Variants in STK32B observed in about 807,000 individuals in gnomAD.
The protein encoded by STK32B is serine/threonine kinase 32B, also known as serine/threonine-protein kinase 32B.
A neutral mutation model predicts 52.6 loss-of-function variants in STK32B; 43 were observed. That is an observed-to-expected ratio of 0.82 (90% confidence interval 0.64 to 1.05). The LOEUF (loss-of-function observed/expected upper bound fraction) is 1.05, where lower values mean the gene tolerates loss of function less well. STK32B is among the 50% of genes least tolerant of loss of function. STK32B has a pLI of 0.00. For missense variants in STK32B, 621 were observed against 534.6 expected (o/e 1.16, Z -1.59); for synonymous variants, 238 against 204.3 (o/e 1.17, Z -1.41).
chr4:5,060,719 C>T (rs1742186071), intron 1 of STK32B, among the ~76,000 whole-genome samples: 1 of 152,030 alleles, frequency 6.6e-6, no homozygotes, highest in South Asian at 2.1e-4. Context: ...AATTTTTTCA[C>T]TTTGTACTTG....
chr4:5,128,099 T>A (rs151040304), intron 1 of STK32B, among the ~76,000 whole-genome samples: 275 of 152,256 alleles, frequency 1.8e-3, no homozygotes, highest in African/African-American at 6.4e-3. Flanking sequence ...AACAGACTAA[T>A]ACAGCTGGCA....
At chr4:5,220,504 G>A (rs184520625) in intron 3 of STK32B, among the ~76,000 whole-genome samples, 9 of 152,316 alleles carry the variant, frequency 5.9e-5, no homozygotes, top group Admixed American at 4.6e-4. Flanking sequence ...AGGTGTCCAG[G>A]TTATAAAGAG....
chr4:5,322,287 C>T (rs1363072805), intron 3 of STK32B, among the ~76,000 whole-genome samples: 2 of 152,146 alleles, frequency 1.3e-5, no homozygotes, highest in Non-Finnish European at 2.9e-5. Context: ...GCCGAGCGCT[C>T]CATTGTTGGA....
At chr4:5,447,497 G>A (rs1044166113) in intron 7 of STK32B, among the ~76,000 whole-genome samples, 4 of 152,136 alleles carry the variant, frequency 2.6e-5, no homozygotes, top group Middle Eastern at 3.4e-3. Flanking sequence ...ATAGCTGAGC[G>A]TGGTGGCACT....
At chr4:5,383,186 G>A (rs968437597) in intron 4 of STK32B, among the ~76,000 whole-genome samples, 2 of 152,152 alleles carry the variant, frequency 1.3e-5, no homozygotes, top group Non-Finnish European at 2.9e-5. Flanking sequence ...CCTGGAGGGT[G>A]CGTATTTTTC....
chr4:5,260,484 C>T (rs1010380333), intron 3 of STK32B, among the ~76,000 whole-genome samples: 3 of 152,142 alleles, frequency 2.0e-5, no homozygotes, highest in Admixed American at 2.0e-4. Flanking sequence ...AAGGACCCAG[C>T]CTTTAACTCT....
chr4:5,221,238 A>T (rs984502290), intron 3 of STK32B, among the ~76,000 whole-genome samples: 1 of 152,194 alleles, frequency 6.6e-6, no homozygotes, highest in Non-Finnish European at 1.5e-5. Flanking sequence ...AATAGGTGGC[A>T]TCTCTACCTT....
chr4:5,145,176 G>T (rs934763418), intron 2 of STK32B, among the ~76,000 whole-genome samples: 8 of 152,122 alleles, frequency 5.3e-5, no homozygotes, highest in African/African-American at 1.9e-4. Flanking sequence ...TTTACATTAA[G>T]CACCAATGTC....
At chr4:5,493,211 G>T (rs1719902446) in intron 11 of STK32B, among the ~76,000 whole-genome samples, 1 of 152,054 alleles carries the variant, frequency 6.6e-6, no homozygotes, top group African/African-American at 2.4e-5. Flanking sequence ...TCTGGTCCTG[G>T]ACTCTTTTTT....
intron 3 of STK32B, among the ~76,000 whole-genome samples, chr4:5,291,030 T>C (rs1359038051): frequency 1.3e-5 from 2 of 152,192 alleles, no homozygotes; most frequent in African/African-American, 2.4e-5. Flanking sequence ...GGACTCAATT[T>C]TGTTCTACTG....
At chr4:5,023,469 A>G in the STK32B span, among the ~76,000 whole-genome samples, 1 of 152,150 alleles carries the variant, frequency 6.6e-6, no homozygotes, top group Non-Finnish European at 1.5e-5. Flanking sequence ...ACTTCCTTCC[A>G]GTCTCTGGGC....
At chr4:5,264,739 A>G (rs979508762) in intron 3 of STK32B, among the ~76,000 whole-genome samples, 1 of 152,028 alleles carries the variant, frequency 6.6e-6, no homozygotes, top group African/African-American at 2.4e-5. Context: ...GTGAGCCAAG[A>G]TTGCGCCACT....
At chr4:5,167,795 G>T (rs972975340) in intron 2 of STK32B, among the ~76,000 whole-genome samples, 1 of 152,216 alleles carries the variant, frequency 6.6e-6, no homozygotes, top group African/African-American at 2.4e-5. Context: ...TACATGGGCA[G>T]CAAAGTGGGC....
chr4:5,035,624 G>C, the STK32B span, among the ~76,000 whole-genome samples: 1 of 152,192 alleles, frequency 6.6e-6, no homozygotes, highest in Non-Finnish European at 1.5e-5. Flanking sequence ...CAGATGAGGA[G>C]ACGGTGGAGA....
intron 3 of STK32B, among the ~76,000 whole-genome samples, chr4:5,219,701 A>T (rs1723403859): frequency 6.6e-6 from 1 of 152,196 alleles, no homozygotes; most frequent in Non-Finnish European, 1.5e-5. Flanking sequence ...CCAGCACTTG[A>T]CTGCGTACTT....
chr4:5,180,089 G>C (rs1237117570), intron 3 of STK32B, among the ~76,000 whole-genome samples: 1 of 152,200 alleles, frequency 6.6e-6, no homozygotes, highest in Non-Finnish European at 1.5e-5. Flanking sequence ...AAGAAAACAA[G>C]TAGAGTCTGT....
At chr4:5,451,892 C>G (rs943498214) in intron 7 of STK32B, among the ~76,000 whole-genome samples, 1 of 152,170 alleles carries the variant, frequency 6.6e-6, no homozygotes, top group Non-Finnish European at 1.5e-5. Context: ...ATGCATTGCA[C>G]CCCCATGGAG....
At chr4:5,024,094 ATC>A in the STK32B span, among the ~76,000 whole-genome samples, 3 of 152,226 alleles carry the variant, frequency 2.0e-5, no homozygotes, top group African/African-American at 7.2e-5. Flanking sequence ...CTAAGGAATT[ATC>A]TCTTTCTCTG....
intron 1 of STK32B, among the ~76,000 whole-genome samples, chr4:5,136,835 C>A (rs956087063): frequency 2.0e-5 from 3 of 152,058 alleles, no homozygotes; most frequent in African/African-American, 7.2e-5. Context: ...TGTAGTACAC[C>A]CCAGGGAGAT....
Sources: allele counts gnomAD v4.1 joint callset (sites outside exome capture counted in the v4.1 genomes callset), GRCh38; gene constraint gnomAD v4.1.1; transcripts MANE v1.5; gene names NCBI Gene and HGNC (gene_info 2026-07-23, HGNC 2026-07-21).